The following ZBTB40 variants were observed in gnomAD, a reference collection of about 807,000 sequenced individuals.
The protein encoded by ZBTB40 is zinc finger and BTB domain containing 40, also known as zinc finger and BTB domain-containing protein 40.
ZBTB40 carries 60 observed loss-of-function variants against 117.5 expected under a neutral mutation model. That is an observed-to-expected ratio of 0.51 (90% CI 0.41 to 0.63). The LOEUF (loss-of-function observed/expected upper bound fraction) is 0.63. Among genes scored for constraint, ZBTB40 ranks in the 30% least tolerant of loss-of-function variants. The probability of loss-of-function intolerance (pLI) is 0.00; values close to 1 mark genes in which losing one functional copy is unlikely to be tolerated. For missense variants in ZBTB40, 1,287 were observed against 1,498.5 expected, an observed-to-expected ratio of 0.86 and a Z score of 2.33; for synonymous variants, 525 against 577.1, an observed-to-expected ratio of 0.91 and a Z score of 1.29.
chr1:22,472,842 C>G (rs1281034178), intron 1 of ZBTB40, among the ~76,000 whole-genome samples: 1 of 152,220 alleles, frequency 6.6e-6, no homozygotes, highest in Non-Finnish European at 1.5e-5. Context: ...TTGGCAGCAA[C>G]TGGCTAAAGC....
rs183810976 is a variant in ZBTB40 at position 22,477,580 on chromosome 1, C to T, written c.-69-12300C>T. On this transcript the variant is annotated intron_variant, in intron 1 of 17. Transcript: ENST00000375647. The stretch of plus-strand genomic sequence containing the variant: ...AGGAAGATAGCTTGAACCCGGGAAG[C>T]GGAGGTTGCAGTGAGCTGAGATCGC... 6.3e-3 allele frequency among the ~76,000 whole-genome samples: 946 copies of T among 150,118 alleles called. 5 individuals carry two copies. Among genetic ancestry groups the T allele is most frequent in the African/African-American group, 0.021 (867 of 40,744 alleles).
rs1198075589 is a variant in ZBTB40 at position 22,529,222 on chromosome 1, C to T, written c.*2826C>T. 6.6e-6 allele frequency: 1 copy of T among 152,358 alleles called. No homozygotes were observed. The highest frequency in any genetic ancestry group is 1.5e-5 in the Non-Finnish European group (1 of 68,084). 9.4% of individuals were successfully genotyped at this position (152,358 alleles called of 1,614,324 possible). On this transcript the variant is annotated 3_prime_UTR_variant, in exon 18 of 18. Coordinates refer to ENST00000375647, the MANE Select transcript of ZBTB40 (RefSeq NM_014870.4). ...CAGTGTTTGTGTGGTCTCCTGAGTC[C>T]ACATCGCTCGCTTCCATGGGGTCCC...
At chr1:22,431,733 T>A (rs1289076195) in intron 1 of ZBTB40, among the ~76,000 whole-genome samples, 1 of 76,400 alleles carries the variant, frequency 1.3e-5, no homozygotes, top group Non-Finnish European at 4.2e-5. Flanking sequence ...TGAAATGCCA[T>A]CTCAAAAAAA....
At chr1:22,495,663 A>C (rs963192774) in intron 3 of ZBTB40, among the ~76,000 whole-genome samples, 1 of 151,838 alleles carries the variant, frequency 6.6e-6, no homozygotes, top group Non-Finnish European at 1.5e-5. Flanking sequence ...AGGCACGCAC[A>C]CCCATGCCTG....
chr1:22,442,291 C>T (rs2078450), intron 1 of ZBTB40, among the ~76,000 whole-genome samples: 92,998 of 151,926 alleles, frequency 0.61, 28,925 homozygotes, highest in East Asian at 0.87. Context: ...TAAGGTTAGC[C>T]GAGAGAAAGG....
Position 22,512,082 on chromosome 1 carries a change from G to T in ZBTB40, c.2409G>T (p.Lys803Asn). The T allele has an allele frequency of 1.2e-6, 2 of 1,613,886 alleles. No individual in the cohort carries two copies. The highest frequency in any genetic ancestry group is 4.5e-5 in the East Asian group (2 of 44,880). The change falls in exon 11 of 18, where the codon AAG (lysine) becomes AAT (asparagine). Residue 803 changes from lysine (K) to asparagine (N), a missense_variant. Physicochemically the swap from Lys to Asn is moderately conservative, Grantham distance 94 (BLOSUM62 0). Around this residue, in one of 2 missense-constraint regions of ZBTB40, gnomAD observed 417 missense variants for 564.1 expected, o/e 0.74. Coordinates refer to ENST00000375647, the MANE Select transcript of ZBTB40 (RefSeq NM_014870.4). The stretch of plus-strand genomic sequence containing the variant: ...CCGATGCCCCCAAGAAGAAGAAGAA[G>T]AGGCTTCCAGTGACATGTGACCTCT... The part of the protein sequence containing the change: ...GEPDAPKKKK[K>N]RLPVTCDLCG...
At chr1:22,499,765 A>T (rs1255220505) in intron 3 of ZBTB40, among the ~76,000 whole-genome samples, 4 of 152,248 alleles carry the variant, frequency 2.6e-5, no homozygotes, top group Admixed American at 6.5e-5. Context: ...AAGCCAAGAA[A>T]CACAAGGTCT....
chr1:22,465,247 C>G (rs1309170551), intron 1 of ZBTB40, among the ~76,000 whole-genome samples: 1 of 152,104 alleles, frequency 6.6e-6, no homozygotes, highest in African/African-American at 2.4e-5. Flanking sequence ...AAAGAGGAGG[C>G]CCTGGAGAGG....
At chr1:22,520,811 A>G (rs765986560) in intron 14 of ZBTB40, among the ~76,000 whole-genome samples, 12 of 152,366 alleles carry the variant, frequency 7.9e-5, no homozygotes, top group East Asian at 7.7e-4. Flanking sequence ...TGTGGCATCT[A>G]TAAGATTTGG....
At chr1:22,507,746 G>A (rs962918792) in intron 6 of ZBTB40, among the ~76,000 whole-genome samples, 3 of 152,174 alleles carry the variant, frequency 2.0e-5, no homozygotes, top group Non-Finnish European at 4.4e-5. Context: ...CCCCCCTGGT[G>A]AGCAATTGCT....
At chr1:22,490,758 A>T in intron 2 of ZBTB40, 113 bp downstream of exon 2, 1 of 1,216,816 alleles carries the variant, frequency 8.2e-7, no homozygotes, top group Non-Finnish European at 1.2e-6. Flanking sequence ...ACCAAAATTC[A>T]GTGCAGTACC....
rs560478635 is a variant in ZBTB40, at chr1:22,513,418, C to T, written c.2668+288C>T. On this transcript the variant is annotated intron_variant, in intron 12 of 17. Coordinates refer to ENST00000375647, the MANE Select transcript of ZBTB40 (RefSeq NM_014870.4). The surrounding 1 kb of genome is among the most constrained non-coding windows in gnomAD (Gnocchi z 4.9). ...ATCACATGTACCTTGTGAATATATA[C>T]ACCTACTGTGTACCCACAAAAGTTA... is the stretch of plus-strand genomic sequence containing the variant. Among the ~76,000 whole-genome samples the T allele has an allele frequency of 3.9e-5, 6 of 152,120 alleles. No individual in the cohort carries two copies. Among genetic ancestry groups the T allele is most frequent in the South Asian group, 2.1e-4 (1 of 4,808 alleles).
At chr1:22,511,054 A>G (rs181615382) in intron 9 of ZBTB40, 125 bp from the exon 10 acceptor site, 1 of 1,256,924 alleles carries the variant, frequency 8.0e-7, no homozygotes, top group East Asian at 2.3e-5. Flanking sequence ...GGCGATGTAT[A>G]AACTGCTTAT....
upstream of ZBTB40, among the ~76,000 whole-genome samples, chr1:22,450,024 A>G (rs1349799789): frequency 6.6e-6 from 1 of 151,436 alleles, no homozygotes; most frequent in Non-Finnish European, 1.5e-5. Flanking sequence ...GCTCACTCCA[A>G]CCTCCGCCTC....
intron 1 of ZBTB40, among the ~76,000 whole-genome samples, chr1:22,434,449 T>G (rs959751521): frequency 1.3e-5 from 2 of 152,204 alleles, no homozygotes; most frequent in Non-Finnish European, 2.9e-5. Context: ...TGATTGAATT[T>G]ATCAATCTTT....
Position 22,508,144 on chromosome 1 carries a change from G to A in ZBTB40, c.1497+7G>A, listed in dbSNP as rs767540785. 7 of 1,613,302 alleles carry A rather than the reference G, an allele frequency of 4.3e-6. No homozygotes were observed. In the African/African-American group the frequency reaches 8.0e-5, roughly 18 times the overall value. On this transcript the variant is annotated splice_region_variant and intron_variant, in intron 7 of 17. Transcript: ENST00000375647. ...AGCCCCTGGAGAAAGAGAGGTAAGA[G>A]AGGGAGAGAAACAGAGGGAGGGGAG...
At chr1:22,430,670 C>G (rs950039259) in intron 1 of ZBTB40, among the ~76,000 whole-genome samples, 3 of 150,978 alleles carry the variant, frequency 2.0e-5, no homozygotes, top group Admixed American at 2.0e-4. Flanking sequence ...TAGGGTCTCA[C>G]TATGTTGCCG....
At chr1:22,489,750 G>GTCCCTTCC in intron 1 of ZBTB40, 130 bp from the exon 2 acceptor site, 1 of 646,118 alleles carries the variant, frequency 1.5e-6, no homozygotes, top group Non-Finnish European at 2.8e-6. Flanking sequence ...CTGGCATACT[G>GTCCCTTCC]TCCCTTCCTA....
intron 13 of ZBTB40, among the ~76,000 whole-genome samples, chr1:22,517,943 A>G (rs1290841205): frequency 6.6e-6 from 1 of 152,236 alleles, no homozygotes; most frequent in African/African-American, 2.4e-5. Context: ...TATTTCACAC[A>G]GTTAGTGGGG....
Sources: gnomAD v4.1 joint callset for allele counts (sites outside exome capture counted in the v4.1 genomes callset) on GRCh38, gnomAD v4.1.1 for gene constraint, gnomAD v4.1.1 regional missense constraint, Gnocchi (gnomAD v3.1) non-coding constraint, MANE v1.5 for transcripts, NCBI Gene and HGNC (gene_info 2026-07-23, HGNC 2026-07-21) for gene names.